The following SH3RF3 variants were observed in gnomAD, a reference collection of about 807,000 sequenced individuals.
SH3RF3 encodes the protein SH3 domain containing ring finger 3, also known as E3 ubiquitin-protein ligase SH3RF3.
A neutral mutation model predicts 66.3 loss-of-function variants in SH3RF3; 29 were observed. The ratio of observed to expected loss-of-function variants is 0.44; its 90% CI spans 0.33 to 0.60. The LOEUF (loss-of-function observed/expected upper bound fraction) is 0.60, where lower values mean the gene tolerates loss of function less well. Ranked by LOEUF, SH3RF3 falls within the 20% of genes least tolerant of loss-of-function variation. The pLI is 0.04. For synonymous variants in SH3RF3, 583 were observed against 532.0 expected (o/e 1.10, Z -1.32); for missense variants, 1,194 against 1,190.9 (o/e 1.00, Z -0.04).
At chr2:109,199,623 G>GC (rs1678608569) in intron 1 of SH3RF3, among the ~76,000 whole-genome samples, 1 of 94 alleles carries the variant, frequency 0.011, no homozygotes, top group Non-Finnish European at 0.022. Context: ...GGAATGGAAT[G>GC]GAATGGAATG....
chr2:109,340,284 G>T (rs140660764), intron 1 of SH3RF3, among the ~76,000 whole-genome samples: 2 of 152,270 alleles, frequency 1.3e-5, no homozygotes, highest in East Asian at 1.9e-4. Flanking sequence ...AAGCTCACAG[G>T]GTTGCTGTAA....
At chr2:109,396,989 G>T (rs575904858) in intron 3 of SH3RF3, among the ~76,000 whole-genome samples, 1 of 152,294 alleles carries the variant, frequency 6.6e-6, no homozygotes, top group East Asian at 1.9e-4. Flanking sequence ...TCCCATGAAG[G>T]CTTCAGAATG....
intron 4 of SH3RF3, among the ~76,000 whole-genome samples, chr2:109,412,860 G>T (rs1003681862): frequency 6.6e-5 from 10 of 152,200 alleles, no homozygotes; most frequent in African/African-American, 2.4e-4. Context: ...GAAAATACAC[G>T]TATCACTGTC....
intron 1 of SH3RF3, among the ~76,000 whole-genome samples, chr2:109,320,294 G>T (rs1681991803): frequency 6.6e-6 from 1 of 152,194 alleles, no homozygotes; most frequent in South Asian, 2.1e-4. Context: ...CCTGTTCTCT[G>T]CACAGCAGCC....
chr2:109,185,552 G>A (rs1288672913), intron 1 of SH3RF3, among the ~76,000 whole-genome samples: 1 of 152,212 alleles, frequency 6.6e-6, no homozygotes, highest in Non-Finnish European at 1.5e-5. Context: ...AGAATGCTGG[G>A]GGTGGAGTCT....
chr2:109,365,161 A>G (rs1448671634), intron 2 of SH3RF3, among the ~76,000 whole-genome samples: 3 of 152,320 alleles, frequency 2.0e-5, no homozygotes, highest in Non-Finnish European at 4.4e-5. Flanking sequence ...GGCATGTTTC[A>G]CAGTGGTTCC....
At chr2:109,339,789 A>G (rs1008810460) in intron 1 of SH3RF3, among the ~76,000 whole-genome samples, 5 of 152,218 alleles carry the variant, frequency 3.3e-5, no homozygotes, top group East Asian at 1.9e-4. Flanking sequence ...GAAGTGAGCA[A>G]TGCATCTCTG....
At chr2:109,285,456 G>A (rs1012574493) in intron 1 of SH3RF3, among the ~76,000 whole-genome samples, 1 of 152,206 alleles carries the variant, frequency 6.6e-6, no homozygotes, top group African/African-American at 2.4e-5. Flanking sequence ...GCTGTGCCGT[G>A]CGTTTTTGTT....
intron 6 of SH3RF3, among the ~76,000 whole-genome samples, chr2:109,436,005 G>A (rs1026591157): frequency 2.6e-5 from 4 of 152,102 alleles, no homozygotes; most frequent in East Asian, 1.9e-4. Context: ...CTGTGTTGCC[G>A]GGAGCTTCCC....
At position 109,385,639 on chromosome 2, in the gene SH3RF3, A is replaced by G. The variant is rs557870938; in HGVS notation, c.946-12951A>G. On this transcript the variant is annotated intron_variant, in intron 3 of 9. Coordinates refer to ENST00000309415, the MANE Select transcript of SH3RF3 (RefSeq NM_001099289.3). ...ACCAGTGTATTGCAGGCAGAGCCTG[A>G]GGTCAGCTGCTTGAGCATCAGAGGC... 4.6e-5 allele frequency among the ~76,000 whole-genome samples: 7 copies of G among 152,356 alleles called. No individual in the cohort carries two copies. The East Asian group carries it at 1.2e-3, about 25-fold the overall frequency.
intron 3 of SH3RF3, among the ~76,000 whole-genome samples, chr2:109,394,441 C>T (rs77175958): frequency 0.035 from 5,379 of 152,260 alleles, 167 homozygotes; most frequent in Non-Finnish European, 0.048. Context: ...TAGGGGGTGG[C>T]CCCTGCAGAG....
intron 1 of SH3RF3, among the ~76,000 whole-genome samples, chr2:109,194,498 G>T (rs1678447606): frequency 6.6e-6 from 1 of 152,256 alleles, no homozygotes; most frequent in Non-Finnish European, 1.5e-5. Flanking sequence ...ACAGGTGGGT[G>T]GTGCGCATCT....
At chr2:109,410,673 G>A (rs755532279) in intron 4 of SH3RF3, among the ~76,000 whole-genome samples, 2 of 152,256 alleles carry the variant, frequency 1.3e-5, no homozygotes, top group Admixed American at 6.5e-5. Context: ...CAGCTCCTTC[G>A]GAACATGTGT....
intron 8 of SH3RF3, among the ~76,000 whole-genome samples, chr2:109,464,927 A>G (rs1238632387): frequency 6.6e-6 from 1 of 152,214 alleles, no homozygotes; most frequent in Non-Finnish European, 1.5e-5. Flanking sequence ...AGTATCATAC[A>G]GGATAGTTTG....
chr2:109,351,730 T>A (rs1040566269), intron 2 of SH3RF3, among the ~76,000 whole-genome samples: 1 of 152,188 alleles, frequency 6.6e-6, no homozygotes, highest in Non-Finnish European at 1.5e-5. Context: ...AGGCTTGCCA[T>A]ATCAGCCCTA....
Position 109,419,652 on chromosome 2 carries a change from C to G in SH3RF3, c.1403+10C>G, listed in dbSNP as rs752195342. 1.9e-6 allele frequency: 3 copies of G among 1,564,716 alleles called. No homozygotes were observed. The highest frequency in any genetic ancestry group is 2.6e-6 in the Non-Finnish European group (3 of 1,157,002). On this transcript the variant is annotated intron_variant, in intron 5 of 9. Coordinates refer to ENST00000309415, the MANE Select transcript of SH3RF3 (RefSeq NM_001099289.3). ...AGCTGCCCCTCAACGTGTGAGCTGCCCTTTGTGTCTGTCGGGGTCCTGTGC... is the reference window on the plus strand; with the variant it reads ...AGCTGCCCCTCAACGTGTGAGCTGCGCTTTGTGTCTGTCGGGGTCCTGTGC...
chr2:109,317,399 T>C (rs1280379803), intron 1 of SH3RF3, among the ~76,000 whole-genome samples: 4 of 152,062 alleles, frequency 2.6e-5, no homozygotes, highest in South Asian at 4.2e-4. Context: ...TGGGGCTCTT[T>C]TTCCCTGTTA....
chr2:109,464,157 C>T (rs1034172193), intron 8 of SH3RF3, among the ~76,000 whole-genome samples: 3 of 152,184 alleles, frequency 2.0e-5, no homozygotes. Context: ...GGGACAAGAG[C>T]TCACCACTTA....
chr2:109,440,463 C>A (rs1677530603), intron 7 of SH3RF3, among the ~76,000 whole-genome samples: 1 of 152,144 alleles, frequency 6.6e-6, no homozygotes, highest in South Asian at 2.1e-4. Context: ...GGGGGCACAT[C>A]AAAGGGTGTT....
Sources: gnomAD v4.1 joint callset for allele counts (sites outside exome capture counted in the v4.1 genomes callset) on GRCh38, gnomAD v4.1.1 for gene constraint, MANE v1.5 for transcripts, NCBI Gene and HGNC (gene_info 2026-07-23, HGNC 2026-07-21) for gene names.